Variants in TTC39B observed in about 807,000 individuals in gnomAD.
The protein encoded by TTC39B is tetratricopeptide repeat domain 39B, also known as tetratricopeptide repeat protein 39B.
Under a neutral mutation model 96.6 loss-of-function variants are expected in TTC39B, and 92 were observed. The ratio of observed to expected loss-of-function variants is 0.95; its 90% CI spans 0.80 to 1.13. The LOEUF (loss-of-function observed/expected upper bound fraction) is 1.13, where lower values mean the gene tolerates loss of function less well. TTC39B is among the 50% of genes most tolerant of loss of function. The pLI, the probability that TTC39B is intolerant of heterozygous loss-of-function variation, is 0.00. For synonymous variants in TTC39B, 367 were observed against 299.4 expected, an observed-to-expected ratio of 1.23 and a Z score of -2.33; for missense variants, 955 against 809.3, an observed-to-expected ratio of 1.18 and a Z score of -2.18.
chr9:15,272,558 T>C (rs1823395474), intron 1 of TTC39B, among the ~76,000 whole-genome samples: 1 of 152,202 alleles, frequency 6.6e-6, no homozygotes, highest in South Asian at 2.1e-4. Context: ...GGGCCAACCT[T>C]GAAGTGCTAC....
intron 2 of TTC39B, among the ~76,000 whole-genome samples, chr9:15,242,133 G>A (rs1586945012): frequency 6.6e-6 from 1 of 152,144 alleles, no homozygotes; most frequent in South Asian, 2.1e-4. Flanking sequence ...ACCTAGTACA[G>A]TGTCTTGCAG....
chr9:15,256,115 C>T (rs147043539), intron 2 of TTC39B, among the ~76,000 whole-genome samples: 16 of 152,284 alleles, frequency 1.1e-4, no homozygotes, highest in African/African-American at 3.6e-4. Context: ...GAGGGTTCCA[C>T]CCTTGTAAAT....
intron 1 of TTC39B, among the ~76,000 whole-genome samples, chr9:15,299,554 A>G (rs1276350093): frequency 6.6e-6 from 1 of 152,120 alleles, no homozygotes. Flanking sequence ...AGTGCTGACT[A>G]AGGTGGTGGC....
chr9:15,291,038 G>C (rs1189176161), intron 1 of TTC39B, among the ~76,000 whole-genome samples: 3 of 152,178 alleles, frequency 2.0e-5, no homozygotes, highest in African/African-American at 7.2e-5. Context: ...CCGAGGTAAA[G>C]TCTCCCTCCT....
intron 15 of TTC39B, among the ~76,000 whole-genome samples, chr9:15,186,032 G>A (rs2761134): frequency 0.15 from 22,334 of 152,096 alleles, 1,740 homozygotes; most frequent in Non-Finnish European, 0.18. Context: ...TTCATAAGCA[G>A]GTAAAAATGA....
At chr9:15,172,046 G>A (rs373714994) in exon 20 of TTC39B, 44 of 1,612,786 alleles carry the variant, frequency 2.7e-5, no homozygotes, top group South Asian at 1.8e-4. Flanking sequence ...TTCTCCAGAG[G>A]TGAAGAGCTG....
chr9:15,292,812 T>A (rs1824237021), intron 1 of TTC39B, among the ~76,000 whole-genome samples: 1 of 152,238 alleles, frequency 6.6e-6, no homozygotes, highest in African/African-American at 2.4e-5. Context: ...ACAGTGTGTT[T>A]GTGTTTTAAG....
intron 1 of TTC39B, among the ~76,000 whole-genome samples, chr9:15,290,014 A>G (rs638491): frequency 0.81 from 122,895 of 152,088 alleles, 49,877 homozygotes; most frequent in East Asian, 0.9. Flanking sequence ...GATTTGTGAC[A>G]CCTAACACTT....
At chr9:15,245,090 C>T (rs1822216564) in intron 2 of TTC39B, among the ~76,000 whole-genome samples, 2 of 152,184 alleles carry the variant, frequency 1.3e-5, no homozygotes, top group South Asian at 4.1e-4. Context: ...TTCTTAAGAA[C>T]AGGAACTATC....
intron 1 of TTC39B, among the ~76,000 whole-genome samples, chr9:15,287,964 A>T (rs1319966637): frequency 9.0e-4 from 135 of 149,620 alleles, no homozygotes; most frequent in African/African-American, 3.3e-3. Flanking sequence ...AAAAAAAAAA[A>T]AAAAACATAA....
chr9:15,245,095 ACTAT>A (rs1384050705), intron 2 of TTC39B, among the ~76,000 whole-genome samples: 1 of 152,240 alleles, frequency 6.6e-6, no homozygotes, highest in African/African-American at 2.4e-5. Context: ...AAGAACAGGA[ACTAT>A]CTGTTTCTTA....
At chr9:15,203,562 A>G (rs1426235338) in intron 7 of TTC39B, among the ~76,000 whole-genome samples, 1 of 152,052 alleles carries the variant, frequency 6.6e-6, no homozygotes, top group Non-Finnish European at 1.5e-5. Flanking sequence ...TGCCTGGCCT[A>G]AAGTTTCTTT....
intron 1 of TTC39B, among the ~76,000 whole-genome samples, chr9:15,297,122 A>G (rs1462129196): frequency 6.6e-6 from 1 of 152,188 alleles, no homozygotes; most frequent in Non-Finnish European, 1.5e-5. Flanking sequence ...GGGGGCATAT[A>G]CTGTGCTCCA....
chr9:15,307,036 C>T, intron 1 of TTC39B, 48 bp downstream of exon 1: 1 of 1,594,178 alleles, frequency 6.3e-7, no homozygotes, highest in African/African-American at 1.3e-5. Flanking sequence ...TCCCGGACTC[C>T]TGTCCAGGGC....
chr9:15,298,068 C>T (rs562341308), intron 1 of TTC39B, among the ~76,000 whole-genome samples: 28 of 152,172 alleles, frequency 1.8e-4, no homozygotes, highest in African/African-American at 4.1e-4. Flanking sequence ...CCAGATAGAA[C>T]AAGAAGACAG....
chr9:15,307,119 G>C lies in TTC39B; in HGVS notation c.205C>G (p.Leu69Val), dbSNP rs774289989. The change falls in exon 1 of 20, where the codon CTC becomes GTC. Residue 69 changes from leucine (L) to valine (V), a missense_variant. Physicochemically the swap from Leu to Val is conservative, Grantham distance 32 (BLOSUM62 1). Transcript: ENST00000512701. ...TCCAGCTCCGCTCGGCTGCCTAAGA[G>C]CGCCATATTCCTCCTCTGGCTGCTG... 1.2e-5 allele frequency: 19 copies of C among 1,610,528 alleles called. 1 individual carries two copies. Among genetic ancestry groups the C allele is most frequent in the South Asian group, 7.7e-5 (7 of 90,376 alleles).
chr9:15,258,060 CA>C (rs111531251), intron 2 of TTC39B, among the ~76,000 whole-genome samples: 1 of 151,332 alleles, frequency 6.6e-6, no homozygotes, highest in Non-Finnish European at 1.5e-5. Context: ...AACTCCATCT[CA>C]AAAAAAATAA....
At chr9:15,217,373 CACACTGTCACCTGGGAGGAT>C (rs1341869961) in intron 3 of TTC39B, among the ~76,000 whole-genome samples, 1 of 152,124 alleles carries the variant, frequency 6.6e-6, no homozygotes, top group Non-Finnish European at 1.5e-5. Flanking sequence ...CTCAGCTGGC[CACACTGTCACCTGGGAGGAT>C]ACACTATACA....
chr9:15,207,857 A>G (rs1819958893), intron 6 of TTC39B, among the ~76,000 whole-genome samples: 1 of 150,316 alleles, frequency 6.7e-6, no homozygotes, highest in African/African-American at 2.4e-5. Context: ...GGTGGCGGGC[A>G]CCTGTAATCC....
Sources: allele counts gnomAD v4.1 joint callset (sites outside exome capture counted in the v4.1 genomes callset), GRCh38; gene constraint gnomAD v4.1.1; transcripts MANE v1.5; gene names NCBI Gene and HGNC (gene_info 2026-07-23, HGNC 2026-07-21).